The following MGAT4C variants were observed in gnomAD, a reference collection of about 807,000 sequenced individuals.
The protein encoded by MGAT4C is alpha-1,3-mannosyl-glycoprotein 4-beta-N-acetylglucosaminyltransferase C.
In MGAT4C, 19 loss-of-function variants were observed where a neutral mutation model predicts 40.1. That is an observed-to-expected ratio of 0.47 (90% CI 0.33 to 0.70). MGAT4C has a LOEUF of 0.70. Among genes scored for constraint, MGAT4C ranks in the 30% least tolerant of loss-of-function variants. MGAT4C has a pLI of 0.02. For missense variants in MGAT4C, 491 were observed against 563.2 expected (o/e 0.87, Z 1.30); for synonymous variants, 181 against 187.1 (o/e 0.97, Z 0.27).
At chr12:86,337,482 C>T in intron 3 of MGAT4C, among the ~76,000 whole-genome samples, 1 of 150,166 alleles carries the variant, frequency 6.7e-6, no homozygotes, top group African/African-American at 2.5e-5. Context: ...ACTTGAGAGG[C>T]TAAGGCAGGA....
intron 4 of MGAT4C, among the ~76,000 whole-genome samples, chr12:86,303,563 A>AG (rs1366002795): frequency 1.3e-5 from 2 of 149,658 alleles, no homozygotes; most frequent in Non-Finnish European, 2.9e-5. Flanking sequence ...GACACTTAAA[A>AG]AAAAAAGAAT....
chr12:86,397,384 C>G (rs1356788593), intron 3 of MGAT4C, among the ~76,000 whole-genome samples: 32 of 151,978 alleles, frequency 2.1e-4, no homozygotes, highest in Admixed American at 2.1e-3. Context: ...CCTCCAAAAC[C>G]CCGTTTTAAA....
chr12:86,802,657 A>T (rs1952255143), intron 1 of MGAT4C, among the ~76,000 whole-genome samples: 1 of 150,952 alleles, frequency 6.6e-6, no homozygotes, highest in African/African-American at 2.4e-5. Context: ...GTGAACTCCC[A>T]TTCACAATTG....
At chr12:86,741,397 T>C (rs1399642374) in intron 1 of MGAT4C, among the ~76,000 whole-genome samples, 1 of 151,372 alleles carries the variant, frequency 6.6e-6, no homozygotes. Flanking sequence ...TTTGAAACTA[T>C]AATGCATATT....
intron 2 of MGAT4C, among the ~76,000 whole-genome samples, chr12:86,558,470 G>C (rs1050846964): frequency 6.6e-6 from 1 of 151,974 alleles, no homozygotes; most frequent in Non-Finnish European, 1.5e-5. Context: ...AAAGCATGAA[G>C]TCACATATAA....
chr12:86,214,120 C>G (rs934820124), intron 1 of MGAT4C, among the ~76,000 whole-genome samples: 1 of 152,216 alleles, frequency 6.6e-6, no homozygotes, highest in Non-Finnish European at 1.5e-5. Context: ...ACTACACTTC[C>G]AATTACACTC....
intron 1 of MGAT4C, among the ~76,000 whole-genome samples, chr12:86,223,710 G>T (rs895074453): frequency 2.0e-5 from 3 of 152,090 alleles, no homozygotes; most frequent in African/African-American, 7.2e-5. Flanking sequence ...ACCATCCAGG[G>T]GCCTAGAAGT....
At chr12:86,008,830 G>C (rs1465187812) in intron 2 of MGAT4C, among the ~76,000 whole-genome samples, 5 of 152,034 alleles carry the variant, frequency 3.3e-5, no homozygotes, top group Non-Finnish European at 5.9e-5. Flanking sequence ...GTGGAATTTT[G>C]TCAAATATTT....
At position 86,713,607 on chromosome 12, in the gene MGAT4C, AAT is replaced by A. The variant is rs1253220333; in HGVS notation, c.-229+13600_-229+13601del. 2.6e-5 allele frequency among the ~76,000 whole-genome samples: 4 copies of A among 152,240 alleles called. No homozygotes were observed. In the East Asian group the frequency reaches 7.7e-4, roughly 29 times the overall value. ...AAATATTGAGTAAAGTTAGGAAATG[AAT>A]AGTTATGAATGCAAAAACATTAGCT... is the stretch of plus-strand genomic sequence containing the variant. On this transcript the variant is annotated intron_variant, in intron 2 of 7. Transcript: ENST00000548651.
At chr12:86,119,742 T>A (rs75717755) in intron 1 of MGAT4C, among the ~76,000 whole-genome samples, 3 of 144,798 alleles carry the variant, frequency 2.1e-5, no homozygotes, top group Non-Finnish European at 4.6e-5. Context: ...TTTTTTTTTT[T>A]AATAGAAATA....
In MGAT4C at chr12:85,971,653, A is replaced by G. The variant is rs1013511116; in HGVS notation, c.*7636T>C. 3 of 151,174 alleles carry G rather than the reference A, an allele frequency of 2.0e-5. No homozygotes were observed. The highest frequency in any genetic ancestry group is 7.3e-5 in the African/African-American group (3 of 41,330). The allele number at this position is 151,174 out of a possible 1,614,324, so 9.4% of individuals were successfully genotyped here. A position where few individuals can be genotyped will look rare whatever the true frequency, so the allele number is the denominator to read the frequency against. On this transcript the variant is annotated 3_prime_UTR_variant, in exon 5 of 5. Coordinates refer to ENST00000611864, the MANE Select transcript of MGAT4C (RefSeq NM_001351288.2). The stretch of plus-strand genomic sequence containing the variant: ...GTAAAAACACTAGATACGTACCAAA[A>G]TTGTCTTTTGACCCTCTCAGGGAGT...
chr12:86,806,594 C>T (rs1424446973), intron 1 of MGAT4C, among the ~76,000 whole-genome samples: 1 of 151,944 alleles, frequency 6.6e-6, no homozygotes, highest in East Asian at 1.9e-4. Flanking sequence ...TTACCACGCC[C>T]ATCTCTTCCT....
chr12:86,082,379 T>C (rs1191350305), intron 1 of MGAT4C, among the ~76,000 whole-genome samples: 3 of 152,186 alleles, frequency 2.0e-5, no homozygotes, highest in Admixed American at 1.3e-4. Context: ...GAGTGATTCC[T>C]TGGACTAATT....
At chr12:86,782,889 C>T (rs1363321691) in intron 1 of MGAT4C, among the ~76,000 whole-genome samples, 5 of 151,986 alleles carry the variant, frequency 3.3e-5, no homozygotes, top group Admixed American at 3.3e-4. Context: ...TTGGGGACTT[C>T]CAACTTCTAG....
chr12:86,006,302 C>T (rs1050775982), intron 2 of MGAT4C, among the ~76,000 whole-genome samples: 9 of 152,062 alleles, frequency 5.9e-5, no homozygotes, highest in Non-Finnish European at 1.2e-4. Flanking sequence ...TCTTGAATGG[C>T]GGCCCTGTGG....
chr12:86,110,759 T>A (rs1877231795), intron 1 of MGAT4C, among the ~76,000 whole-genome samples: 1 of 151,752 alleles, frequency 6.6e-6, no homozygotes, highest in South Asian at 2.1e-4. Context: ...ATAGGATTTA[T>A]AATACTCAGT....
chr12:86,651,677 C>T (rs191920645), intron 2 of MGAT4C, among the ~76,000 whole-genome samples: 42 of 151,876 alleles, frequency 2.8e-4, no homozygotes, highest in African/African-American at 1.0e-3. Flanking sequence ...TCTAGCGTAG[C>T]TTCCAACAAT....
intron 1 of MGAT4C, among the ~76,000 whole-genome samples, chr12:86,805,140 AATATG>A (rs1489712927): frequency 6.6e-6 from 1 of 151,984 alleles, no homozygotes; most frequent in African/African-American, 2.4e-5. Context: ...ACTGTGATAT[AATATG>A]ATATTGTTTG....
intron 3 of MGAT4C, among the ~76,000 whole-genome samples, chr12:86,375,717 C>T (rs1250530968): frequency 6.6e-6 from 1 of 151,704 alleles, no homozygotes; most frequent in Non-Finnish European, 1.5e-5. Context: ...AAGAAGTTTA[C>T]AACAATAAAT....
Sources: gnomAD v4.1 joint callset for allele counts (sites outside exome capture counted in the v4.1 genomes callset) on GRCh38, gnomAD v4.1.1 for gene constraint, MANE v1.5 for transcripts, NCBI Gene and HGNC (gene_info 2026-07-23, HGNC 2026-07-21) for gene names.